The following GLRA3 variants were observed in gnomAD, a reference collection of about 807,000 sequenced individuals.
GLRA3 encodes the protein glycine receptor subunit alpha-3.
Under a neutral mutation model 60.4 loss-of-function variants are expected in GLRA3, and 44 were observed. The ratio of observed to expected loss-of-function variants is 0.73; its 90% CI spans 0.57 to 0.94. The LOEUF (loss-of-function observed/expected upper bound fraction) is 0.94. GLRA3 is among the 40% of genes least tolerant of loss of function. The pLI is 0.00. For missense variants in GLRA3, 508 were observed against 564.6 expected, an observed-to-expected ratio of 0.90 and a Z score of 1.02; for synonymous variants, 223 against 192.9, an observed-to-expected ratio of 1.16 and a Z score of -1.29.
Position 174,639,890 on chromosome 4 carries a change from G to A in GLRA3, c.*3896C>T, listed in dbSNP as rs1332561731. ...CACAAATAAGGAAATAAAAACCAATGCATCTGCTGAGGAAGATGTCTCTTA... is the reference window on the plus strand; with the variant it reads ...CACAAATAAGGAAATAAAAACCAATACATCTGCTGAGGAAGATGTCTCTTA... On this transcript the variant is annotated 3_prime_UTR_variant, in exon 10 of 10. Coordinates refer to ENST00000274093, the MANE Select transcript of GLRA3 (RefSeq NM_006529.4). The A allele has an allele frequency of 6.6e-6, 1 of 152,088 alleles. No homozygotes were observed. The highest frequency in any genetic ancestry group is 2.4e-5 in the African/African-American group (1 of 41,442). The allele number at this position is 152,088 out of a possible 1,614,324, so 9.4% of individuals were successfully genotyped here.
intron 6 of GLRA3, 46 bp from the exon 7 acceptor site, chr4:174,677,338 T>G (rs1734171404): frequency 9.5e-7 from 1 of 1,055,898 alleles, no homozygotes; most frequent in African/African-American, 1.6e-5. Context: ...AAATAGGTCT[T>G]TGTTACGGCA....
intron 4 of GLRA3, among the ~76,000 whole-genome samples, chr4:174,726,777 A>G (rs12504255): frequency 0.18 from 27,750 of 152,002 alleles, 2,738 homozygotes; most frequent in East Asian, 0.31. Flanking sequence ...GGTAGAATAG[A>G]AAAAAGTATG....
chr4:174,706,355 T>C (rs1306017045), intron 5 of GLRA3, among the ~76,000 whole-genome samples: 1 of 152,304 alleles, frequency 6.6e-6, no homozygotes. Flanking sequence ...TTATCTGACA[T>C]AAGGATTATG....
intron 2 of GLRA3, among the ~76,000 whole-genome samples, chr4:174,769,156 A>G (rs1738279000): frequency 6.6e-6 from 1 of 152,058 alleles, no homozygotes; most frequent in African/African-American, 2.4e-5. Context: ...CAATTTCTCT[A>G]CATAATATGT....
At chr4:174,691,935 C>A (rs1390893956) in intron 5 of GLRA3, among the ~76,000 whole-genome samples, 4 of 151,840 alleles carry the variant, frequency 2.6e-5, no homozygotes, top group Non-Finnish European at 4.4e-5. Context: ...GCCATCCCAT[C>A]TAGGAAGTGA....
In GLRA3 at chr4:174,823,063, T is replaced by C. The variant is rs866001678; in HGVS notation, c.71+5678A>G. ...TTAGAATAGCTTCATTTACTGTTAC[T>C]GAACAGCTCATTCCATATATACACT... is the stretch of plus-strand genomic sequence containing the variant. On this transcript the variant is annotated intron_variant, in intron 1 of 9. Coordinates refer to ENST00000274093, the MANE Select transcript of GLRA3 (RefSeq NM_006529.4). Among the ~76,000 whole-genome samples the C allele has an allele frequency of 1.7e-4, 26 of 152,332 alleles. No individual in the cohort carries two copies. In the South Asian group the frequency reaches 3.5e-3, roughly 21 times the overall value.
At chr4:174,773,908 A>G (rs1345542321) in intron 2 of GLRA3, among the ~76,000 whole-genome samples, 1 of 152,134 alleles carries the variant, frequency 6.6e-6, no homozygotes, top group Non-Finnish European at 1.5e-5. Flanking sequence ...AGAGAAGGAC[A>G]TTGTGGAAAA....
chr4:174,820,889 T>C (rs903633400), intron 1 of GLRA3, among the ~76,000 whole-genome samples: 1 of 150,936 alleles, frequency 6.6e-6, no homozygotes, highest in Admixed American at 6.6e-5. Context: ...TTGCCACAGT[T>C]AGCTGACAAT....
intron 1 of GLRA3, among the ~76,000 whole-genome samples, chr4:174,821,013 G>A (rs917845265): frequency 1.3e-5 from 2 of 151,994 alleles, no homozygotes; most frequent in Non-Finnish European, 2.9e-5. Context: ...TTGAAATCTT[G>A]CTTTATAACT....
chr4:174,784,743 A>T (rs1739051626), intron 2 of GLRA3, among the ~76,000 whole-genome samples: 1 of 152,146 alleles, frequency 6.6e-6, no homozygotes, highest in Non-Finnish European at 1.5e-5. Context: ...TTCTAAACCC[A>T]TATATCATTA....
chr4:174,716,387 TG>T (rs1735919045), intron 4 of GLRA3, among the ~76,000 whole-genome samples: 1 of 152,236 alleles, frequency 6.6e-6, no homozygotes, highest in East Asian at 1.9e-4. Flanking sequence ...AGAATTAGTA[TG>T]TTGACATTCC....
intron 2 of GLRA3, among the ~76,000 whole-genome samples, chr4:174,778,728 C>T (rs1039918701): frequency 1.3e-5 from 2 of 152,172 alleles, no homozygotes; most frequent in African/African-American, 2.4e-5. Context: ...CCTGGAAAAT[C>T]GGGTCACTCC....
intron 7 of GLRA3, among the ~76,000 whole-genome samples, chr4:174,662,795 A>T (rs1733501648): frequency 6.7e-6 from 1 of 149,098 alleles, no homozygotes; most frequent in African/African-American, 2.5e-5. Flanking sequence ...TGTTACCCTA[A>T]CACATTGCAT....
chr4:174,656,623 C>A, intron 9 of GLRA3, 120 bp downstream of exon 9: 1 of 560,508 alleles, frequency 1.8e-6, no homozygotes, highest in South Asian at 2.6e-5. Context: ...ATTTGCTCAG[C>A]TTTCAATACA....
intron 3 of GLRA3, among the ~76,000 whole-genome samples, chr4:174,732,170 C>A (rs1226926261): frequency 6.6e-6 from 1 of 152,136 alleles, no homozygotes; most frequent in East Asian, 1.9e-4. Flanking sequence ...TCCTGGCCAA[C>A]ATGGTGAAAC....
chr4:174,691,515 G>A (rs571452277), intron 5 of GLRA3, among the ~76,000 whole-genome samples: 2,182 of 152,264 alleles, frequency 0.014, 44 homozygotes, highest in African/African-American at 0.049. Context: ...TCAGCCTGCC[G>A]AGTGCCTGCG....
intron 3 of GLRA3, among the ~76,000 whole-genome samples, chr4:174,744,274 C>T (rs1484195488): frequency 1.3e-5 from 2 of 152,262 alleles, no homozygotes; most frequent in African/African-American, 4.8e-5. Flanking sequence ...CCTAAGAACG[C>T]AATCACCTAC....
chr4:174,797,411 G>T (rs1387655158), intron 1 of GLRA3, among the ~76,000 whole-genome samples: 1 of 152,090 alleles, frequency 6.6e-6, no homozygotes, highest in Non-Finnish European at 1.5e-5. Context: ...TCTTTTCTGT[G>T]CTGCACCAAG....
intron 7 of GLRA3, among the ~76,000 whole-genome samples, chr4:174,666,849 A>G (rs1733697548): frequency 6.6e-6 from 1 of 150,726 alleles, no homozygotes; most frequent in Non-Finnish European, 1.5e-5. Flanking sequence ...GGCTCTGAGA[A>G]GCAGTCATGT....
Sources: gnomAD v4.1 joint callset for allele counts (sites outside exome capture counted in the v4.1 genomes callset) on GRCh38, gnomAD v4.1.1 for gene constraint, MANE v1.5 for transcripts, NCBI Gene and HGNC (gene_info 2026-07-23, HGNC 2026-07-21) for gene names.